SLC4A1AP: variants seen among roughly 807,000 people sequenced by gnomAD.
SLC4A1AP encodes the protein solute carrier family 4 member 1 adaptor protein.
In SLC4A1AP, 64 loss-of-function variants were observed where a neutral mutation model predicts 89.7. That is an observed-to-expected ratio of 0.71 (90% CI 0.58 to 0.88). SLC4A1AP has a LOEUF of 0.88. Among genes scored for constraint, SLC4A1AP ranks in the 40% least tolerant of loss-of-function variants. The pLI, the probability that SLC4A1AP is intolerant of heterozygous loss-of-function variation, is 0.00. For synonymous variants in SLC4A1AP, 366 were observed against 353.3 expected (o/e 1.04, Z -0.40); for missense variants, 931 against 965.0 (o/e 0.96, Z 0.47).
intron 12 of SLC4A1AP, 74 bp downstream of exon 12, chr2:27,688,841 G>T: frequency 8.9e-7 from 1 of 1,117,672 alleles, no homozygotes; most frequent in Admixed American, 2.3e-5. Flanking sequence ...GTGAATCTTT[G>T]GAGACTGACT....
chr2:27,693,219 A>G (rs1198686813), intron 12 of SLC4A1AP: 1 of 149,966 alleles, frequency 6.7e-6, no homozygotes, highest in Non-Finnish European at 1.5e-5. Context: ...GGTGTGAGCC[A>G]CTGCGCCCAG....
exon 2 of SLC4A1AP, chr2:27,665,194 T>C: frequency 6.2e-7 from 1 of 1,613,620 alleles, no homozygotes. Flanking sequence ...GAGAAGAAGA[T>C]GCTAGGAGAA....
intron 10 of SLC4A1AP, among the ~76,000 whole-genome samples, chr2:27,687,206 A>G (rs1675716446): frequency 6.6e-6 from 1 of 152,166 alleles, no homozygotes; most frequent in Non-Finnish European, 1.5e-5. Flanking sequence ...CATCACATGC[A>G]TATGCCATAA....
chr2:27,687,464 G>T (rs911090531), intron 10 of SLC4A1AP, among the ~76,000 whole-genome samples: 1 of 152,050 alleles, frequency 6.6e-6, no homozygotes, highest in Non-Finnish European at 1.5e-5. Flanking sequence ...GGTGGTACAT[G>T]CCTGTAGTCC....
intron 7 of SLC4A1AP, 120 bp downstream of exon 7, chr2:27,677,484 A>G (rs989731462): frequency 4.1e-6 from 3 of 734,014 alleles, no homozygotes; most frequent in Non-Finnish European, 6.8e-6. Flanking sequence ...AAGGAGCAAC[A>G]TACCGTTTTA....
exon 10 of SLC4A1AP, chr2:27,685,155 A>C (rs1310273805): frequency 1.2e-6 from 2 of 1,614,062 alleles, no homozygotes; most frequent in African/African-American, 2.7e-5. Context: ...GAGGAGCATG[A>C]AAAGAAAAAA....
At chr2:27,685,884 T>G (rs1246733327) in intron 10 of SLC4A1AP, among the ~76,000 whole-genome samples, 2 of 152,184 alleles carry the variant, frequency 1.3e-5, no homozygotes, top group Non-Finnish European at 2.9e-5. Flanking sequence ...ATATATATTC[T>G]AATTACAAAG....
intron 7 of SLC4A1AP, 116 bp downstream of exon 7, chr2:27,677,480 C>A: frequency 4.0e-6 from 3 of 745,100 alleles, no homozygotes; most frequent in Admixed American, 2.8e-5. Flanking sequence ...TTTAAAGGAG[C>A]AACATACCGT....
intron 7 of SLC4A1AP, 22 bp from the exon 8 acceptor site, chr2:27,677,716 G>T (rs762094348): frequency 1.3e-6 from 2 of 1,547,204 alleles, no homozygotes; most frequent in East Asian, 2.3e-5. Context: ...TTCTAAACAT[G>T]TGTTATTCTT....
At chr2:27,668,493 A>G in intron 3 of SLC4A1AP, 1 of 424,140 alleles carries the variant, frequency 2.4e-6, no homozygotes, top group Non-Finnish European at 4.7e-6. Context: ...TCTGTCGCCC[A>G]GGCCGGAGTG....
chr2:27,679,105 T>C (rs937779126), intron 8 of SLC4A1AP, among the ~76,000 whole-genome samples: 3 of 152,198 alleles, frequency 2.0e-5, no homozygotes, highest in Non-Finnish European at 4.4e-5. Context: ...CACTTTCTTA[T>C]ATTGTCATTG....
At chr2:27,691,058 T>G (rs1267844442) in intron 12 of SLC4A1AP, among the ~76,000 whole-genome samples, 1 of 152,138 alleles carries the variant, frequency 6.6e-6, no homozygotes, top group Non-Finnish European at 1.5e-5. Flanking sequence ...CTTCATAGAA[T>G]GAGTTAGGGA....
At chr2:27,665,078 C>T (rs1043379342) in intron 1 of SLC4A1AP, 22 bp from the exon 2 acceptor site, 3 of 1,582,578 alleles carry the variant, frequency 1.9e-6, no homozygotes, top group South Asian at 1.1e-5. Flanking sequence ...AATAAATAAC[C>T]TTTTTTTCCT....
chr2:27,691,965 TTCTC>T (rs146101424), intron 12 of SLC4A1AP: 346 of 149,870 alleles, frequency 2.3e-3, no homozygotes, highest in African/African-American at 6.0e-3. Flanking sequence ...TTTCAGACTT[TTCTC>T]TCTCTCTCTC....
intron 12 of SLC4A1AP, 136 bp downstream of exon 12, chr2:27,688,903 T>G: frequency 1.7e-6 from 1 of 590,422 alleles, no homozygotes; most frequent in Non-Finnish European, 2.8e-6. Context: ...CTAGATTCTT[T>G]GATTTTTGTT....
intron 10 of SLC4A1AP, 86 bp downstream of exon 10, chr2:27,685,363 G>T (rs375010943): frequency 3.5e-5 from 53 of 1,508,898 alleles, no homozygotes; most frequent in East Asian, 2.5e-4. Context: ...GCCAGTTCTT[G>T]TCTGTGCATT....
chr2:27,664,111 C>G (rs375412138), exon 1 of SLC4A1AP: 2 of 1,614,088 alleles, frequency 1.2e-6, no homozygotes, highest in Non-Finnish European at 1.7e-6. Flanking sequence ...GACATCCCTC[C>G]TCCTCAGCCG....
exon 4 of SLC4A1AP, chr2:27,668,864 T>C (rs751279082): frequency 1.9e-6 from 3 of 1,614,154 alleles, no homozygotes; most frequent in Non-Finnish European, 2.5e-6. Context: ...GAATATGAAT[T>C]TGATGAACAG....
chr2:27,663,893 T>A (rs748051593), exon 1 of SLC4A1AP: 2 of 1,613,994 alleles, frequency 1.2e-6, no homozygotes, highest in Non-Finnish European at 1.7e-6. Context: ...AGGAGCGGAT[T>A]TCGAAGTTGC....
Sources: gnomAD v4.1 joint callset for allele counts (sites outside exome capture counted in the v4.1 genomes callset) on GRCh38, gnomAD v4.1.1 for gene constraint, MANE v1.5 for transcripts, NCBI Gene and HGNC (gene_info 2026-07-23, HGNC 2026-07-21) for gene names.